The following USP39 variants were observed in gnomAD, a reference collection of about 807,000 sequenced individuals.
USP39 encodes ubiquitin specific peptidase 39.
Under a neutral mutation model 66.4 loss-of-function variants are expected in USP39, and 38 were observed. The ratio of observed to expected loss-of-function variants is 0.57; its 90% confidence interval spans 0.44 to 0.75. The LOEUF is 0.75. Among genes scored for constraint, USP39 ranks in the 30% least tolerant of loss-of-function variants. The probability of loss-of-function intolerance (pLI) is 0.00; values close to 1 mark genes in which losing one functional copy is unlikely to be tolerated. For missense variants in USP39, 608 were observed against 714.4 expected, an observed-to-expected ratio of 0.85 and a Z score of 1.70; for synonymous variants, 303 against 274.6, an observed-to-expected ratio of 1.10 and a Z score of -1.02.
At position 85,616,259 on chromosome 2, in the gene USP39, C is replaced by T. The variant is rs1417817111; in HGVS notation, c.64C>T (p.Arg22Trp). ...STRGKRESES[R>W]GSSGRVKRER... The stretch of plus-strand genomic sequence containing the variant: ...TCGCGGGAAGCGAGAGTCTGAGTCG[C>T]GGGGCAGCTCCGGTCGCGTCAAGCG... Residue 22 changes from arginine to tryptophan, a missense_variant, in exon 1 of 13, where the codon CGG (arginine) becomes TGG (tryptophan). Transcript: ENST00000323701. The T allele has an allele frequency of 2.6e-6, 4 of 1,512,756 alleles. No homozygotes were observed. Among genetic ancestry groups the T allele is most frequent in the Non-Finnish European group, 3.5e-6 (4 of 1,128,416 alleles). 93.7% of individuals were successfully genotyped at this position (1,512,756 alleles called of 1,614,324 possible).
chr2:85,638,412 C>T (rs1189779647), intron 8 of USP39, among the ~76,000 whole-genome samples: 1 of 152,052 alleles, frequency 6.6e-6, no homozygotes, highest in East Asian at 1.9e-4. Context: ...TGGTTCACTG[C>T]AACCTCAACC....
Position 85,621,597 on chromosome 2 carries a change from G to A in USP39, c.433+18G>A. The A allele has an allele frequency of 6.2e-7, 1 of 1,602,956 alleles. No individual in the cohort carries two copies. Among genetic ancestry groups the A allele is most frequent in the Non-Finnish European group, 8.5e-7 (1 of 1,172,654 alleles). On this transcript the variant is annotated intron_variant, in intron 3 of 12. Coordinates refer to ENST00000323701, the MANE Select transcript of USP39 (RefSeq NM_006590.4). The stretch of plus-strand genomic sequence containing the variant: ...CTTTCAAGGTAAATAAGTTGTTAGA[G>A]CTAACTGCAGATCTGCTCCAGAGGG...
intron 10 of USP39, among the ~76,000 whole-genome samples, chr2:85,643,057 C>G (rs1377198082): frequency 6.7e-6 from 1 of 148,696 alleles, no homozygotes; most frequent in Non-Finnish European, 1.5e-5. Context: ...GACAACATAG[C>G]AAGACCTTGT....
upstream of USP39, chr2:85,612,184 C>T: frequency 1.0e-6 from 1 of 985,118 alleles, no homozygotes; most frequent in Non-Finnish European, 1.5e-6. Context: ...GTATGCTTGA[C>T]TTCCACCCCC....
chr2:85,609,293 A>G (rs1377694654), upstream of USP39: 3 of 1,328,212 alleles, frequency 2.3e-6, no homozygotes, highest in Non-Finnish European at 3.1e-6. Flanking sequence ...TGTGCTCAAA[A>G]GCACTGCCCG....
upstream of USP39, chr2:85,607,323 C>T (rs1673253170): frequency 1.3e-5 from 2 of 152,146 alleles, no homozygotes; most frequent in South Asian, 4.1e-4. Flanking sequence ...CCTTCTTGAC[C>T]CAGGAGGCTT....
Position 85,645,197 on chromosome 2 carries a change from C to T in USP39, c.1563+114C>T, listed in dbSNP as rs527501593. The T allele has an allele frequency of 1.1e-4, 156 of 1,441,664 alleles. No individual in the cohort carries two copies. The Middle Eastern group carries it at 1.3e-3, about 12-fold the overall frequency. The allele number at this position is 1,441,664 out of a possible 1,614,324, so 89.3% of individuals were successfully genotyped here. A position where few individuals can be genotyped will look rare whatever the true frequency, so the allele number is the denominator to read the frequency against. On this transcript the variant is annotated intron_variant, in intron 11 of 12. Transcript: ENST00000323701. ...CTTGCTTGGCCTTGGCTTTGGGACT[C>T]TGCAAGTAATAGTGCTGTCAGTAGT...
chr2:85,607,747 A>C (rs1448478081), upstream of USP39: 2 of 152,238 alleles, frequency 1.3e-5, no homozygotes, highest in Non-Finnish European at 2.9e-5. Flanking sequence ...GCTTAAAGCC[A>C]TATTTCAAGG....
intron 7 of USP39, 89 bp from the exon 8 acceptor site, chr2:85,637,280 G>T: frequency 1.4e-6 from 2 of 1,457,326 alleles, no homozygotes; most frequent in Non-Finnish European, 1.9e-6. Context: ...GAAGATGCTG[G>T]TTTATTTCAG....
At chr2:85,620,557 C>T (rs916533843) in intron 2 of USP39, among the ~76,000 whole-genome samples, 4 of 151,834 alleles carry the variant, frequency 2.6e-5, no homozygotes, top group Admixed American at 2.0e-4. Context: ...GTGGCTCCTG[C>T]AGTTGAAGAA....
chr2:85,612,395 TGA>T (rs1314529785), upstream of USP39: 1 of 1,530,706 alleles, frequency 6.5e-7, no homozygotes, highest in African/African-American at 1.4e-5. Context: ...GCCATCTGCG[TGA>T]CTTTGGCTGA....
chr2:85,643,992 G>A (rs1008697866), intron 10 of USP39, among the ~76,000 whole-genome samples: 7 of 152,140 alleles, frequency 4.6e-5, no homozygotes, highest in African/African-American at 1.7e-4. Flanking sequence ...CAGTCTGACT[G>A]CATCATATAT....
rs1675857173 is a variant in USP39 at position 85,637,382 on chromosome 2, T to C, written c.1041T>C (p.Asp347=). ...CTGTTTGTGCAGCTATTGTGACTGA[T>C]GTTTTCCAGGGGTCCATGAGGATCT... ...TKKKKKTIVT[D]VFQGSMRIFT... Residue 347 remains aspartate, a synonymous_variant, in exon 8 of 13, where the codon GAT becomes GAC. Transcript: ENST00000323701. 1 of 1,614,114 alleles carries C rather than the reference T, an allele frequency of 6.2e-7. No homozygotes were observed. Among genetic ancestry groups the C allele is most frequent in the African/African-American group, 1.3e-5 (1 of 74,936 alleles).
At chr2:85,603,582 ACTTTTT>A (rs928408219) in intron 1 of USP39, among the ~76,000 whole-genome samples, 11 of 149,754 alleles carry the variant, frequency 7.3e-5, no homozygotes, top group South Asian at 4.2e-4. Flanking sequence ...TTTTTTTTTT[ACTTTTT>A]CTTTTTCTTT....
At chr2:85,605,461 CAGA>C (rs1052980646) in intron 1 of USP39, among the ~76,000 whole-genome samples, 3 of 152,204 alleles carry the variant, frequency 2.0e-5, no homozygotes, top group East Asian at 1.9e-4. Context: ...GCCCTTTACT[CAGA>C]AGGTCTTCAA....
At chr2:85,612,191 C>T (rs1215034199), upstream of USP39, 2 of 1,021,030 alleles carry the variant, frequency 2.0e-6, no homozygotes, top group Non-Finnish European at 1.4e-6. Context: ...TGACTTCCAC[C>T]CCCCGGACGG....
At chr2:85,630,504 A>C (rs567013324) in intron 5 of USP39, among the ~76,000 whole-genome samples, 1 of 152,314 alleles carries the variant, frequency 6.6e-6, no homozygotes, top group East Asian at 1.9e-4. Flanking sequence ...ACATCAGCAA[A>C]GTTGTCTGCA....
intron 1 of USP39, among the ~76,000 whole-genome samples, chr2:85,618,044 C>G (rs1674131969): frequency 6.6e-6 from 1 of 151,720 alleles, no homozygotes; most frequent in South Asian, 2.1e-4. Flanking sequence ...ACCTCTGCCT[C>G]CCAGGTTCAA....
chr2:85,609,371 G>A (rs966205631), upstream of USP39: 28 of 1,579,136 alleles, frequency 1.8e-5, no homozygotes, highest in Non-Finnish European at 2.3e-5. Flanking sequence ...AGGGCTCAGG[G>A]TCTGACAATG....
Sources: allele counts gnomAD v4.1 joint callset (sites outside exome capture counted in the v4.1 genomes callset), GRCh38; gene constraint gnomAD v4.1.1; transcripts MANE v1.5; gene names NCBI Gene and HGNC (gene_info 2026-07-23, HGNC 2026-07-21).